Variants in SLMAP observed in about 807,000 individuals in gnomAD.
SLMAP encodes sarcolemmal membrane-associated protein.
In SLMAP, 44 loss-of-function variants were observed where a neutral mutation model predicts 128.8. That is an observed-to-expected ratio of 0.34 (90% CI 0.27 to 0.44). The LOEUF (loss-of-function observed/expected upper bound fraction) is 0.44. Among genes scored for constraint, SLMAP ranks in the 20% least tolerant of loss-of-function variants. SLMAP has a pLI of 1.00. For synonymous variants in SLMAP, 327 were observed against 348.8 expected (o/e 0.94, Z 0.70); for missense variants, 787 against 985.3 (o/e 0.80, Z 2.69).
chr3:57,809,347 A>G (rs994602760), intron 2 of SLMAP, among the ~76,000 whole-genome samples: 2 of 152,212 alleles, frequency 1.3e-5, no homozygotes, highest in Non-Finnish European at 2.9e-5. Flanking sequence ...GCAAAGTCAG[A>G]GTGGAGCCTA....
At chr3:57,798,741 C>G (rs1372336683) in intron 2 of SLMAP, among the ~76,000 whole-genome samples, 1 of 152,156 alleles carries the variant, frequency 6.6e-6, no homozygotes, top group Non-Finnish European at 1.5e-5. Flanking sequence ...AAATCACTTT[C>G]AGAGTCAGCA....
rs143117864 is a variant in SLMAP, at chr3:57,838,335, A to G, written c.347-2964A>G. ...CCATCTCTTCTGTCTTTTGCCTGGG[A>G]AAGGAGAAAGCTAGGTGGTTCCTAC... On this transcript the variant is annotated intron_variant, in intron 3 of 24. Coordinates refer to ENST00000671191, the MANE Select transcript of SLMAP (RefSeq NM_001377540.1). Among the ~76,000 whole-genome samples the G allele has an allele frequency of 2.1e-3, 319 of 152,258 alleles. 1 individual carries two copies. The highest frequency in any genetic ancestry group is 7.0e-3 in the African/African-American group (292 of 41,540).
intron 2 of SLMAP, among the ~76,000 whole-genome samples, chr3:57,808,868 CTAT>C (rs1393300529): frequency 2.0e-5 from 3 of 152,160 alleles, no homozygotes; most frequent in East Asian, 1.9e-4. Context: ...AAGTCTCCCA[CTAT>C]TATTATGTAG....
chr3:57,846,616 G>C (rs2094266518), intron 4 of SLMAP, among the ~76,000 whole-genome samples: 2 of 150,284 alleles, frequency 1.3e-5, no homozygotes, highest in African/African-American at 4.9e-5. Context: ...GAGTGCAGTG[G>C]CGCAATCTTG....
chr3:57,854,459 A>G (rs1467068968), intron 6 of SLMAP, among the ~76,000 whole-genome samples: 1 of 152,008 alleles, frequency 6.6e-6, no homozygotes, highest in Admixed American at 6.6e-5. Context: ...TTAGCTGGGC[A>G]TGGTGGTGTG....
At chr3:57,757,924 A>G in intron 2 of SLMAP, 75 bp downstream of exon 2, 1 of 1,281,726 alleles carries the variant, frequency 7.8e-7, no homozygotes, top group Non-Finnish European at 1.1e-6. Context: ...GAGAGGACTA[A>G]TGTATGCAGG....
chr3:57,884,426 T>C (rs2095827919), intron 14 of SLMAP, among the ~76,000 whole-genome samples: 1 of 152,168 alleles, frequency 6.6e-6, no homozygotes, highest in African/African-American at 2.4e-5. Context: ...TGAATCAGAA[T>C]GCTCGTCAAC....
chr3:57,762,710 G>GTTTTTTTT (rs752054975), intron 2 of SLMAP, among the ~76,000 whole-genome samples: 7 of 107,756 alleles, frequency 6.5e-5, no homozygotes, highest in African/African-American at 1.1e-4. Flanking sequence ...TAGTAGAATG[G>GTTTTTTTT]TTTTTTTTTT....
chr3:57,893,738 G>A (rs1419489433), intron 15 of SLMAP, among the ~76,000 whole-genome samples: 9 of 152,154 alleles, frequency 5.9e-5, no homozygotes, highest in African/African-American at 9.7e-5. Flanking sequence ...GAGATTAGAT[G>A]TATTAGCCTC....
intron 2 of SLMAP, among the ~76,000 whole-genome samples, chr3:57,819,408 G>A (rs895756231): frequency 6.6e-6 from 1 of 152,110 alleles, no homozygotes; most frequent in African/African-American, 2.4e-5. Context: ...TTTTGGGCAG[G>A]TGTACTATTT....
chr3:57,780,555 G>A (rs955496169), intron 2 of SLMAP, among the ~76,000 whole-genome samples: 1 of 152,084 alleles, frequency 6.6e-6, no homozygotes, highest in African/African-American at 2.4e-5. Context: ...CTTGATCTGG[G>A]TGGTAGTTAC....
chr3:57,779,933 C>T (rs971195157), intron 2 of SLMAP, among the ~76,000 whole-genome samples: 22 of 151,638 alleles, frequency 1.5e-4, no homozygotes, highest in South Asian at 4.2e-4. Flanking sequence ...TTGGGTACAC[C>T]GACTTTTTTT....
At chr3:57,819,697 T>C (rs1398429631) in intron 2 of SLMAP, among the ~76,000 whole-genome samples, 2 of 152,222 alleles carry the variant, frequency 1.3e-5, no homozygotes, top group Non-Finnish European at 2.9e-5. Flanking sequence ...ACAAATGTGA[T>C]CACGGGTACT....
intron 17 of SLMAP, chr3:57,897,936 A>G (rs2096278687): frequency 6.6e-6 from 1 of 152,232 alleles, no homozygotes; most frequent in Non-Finnish European, 1.5e-5. Context: ...ATTGTACACA[A>G]GAAAAATTGA....
At chr3:57,925,440 G>C (rs2096990583) in intron 23 of SLMAP, among the ~76,000 whole-genome samples, 1 of 150,166 alleles carries the variant, frequency 6.7e-6, no homozygotes, top group East Asian at 2.0e-4. Flanking sequence ...CAATTCTCCT[G>C]CCTTAACCTC....
chr3:57,896,648 T>C (rs1023938609), intron 16 of SLMAP, 57 bp downstream of exon 16: 2 of 1,380,338 alleles, frequency 1.4e-6, no homozygotes, highest in South Asian at 1.3e-5. Flanking sequence ...TTTAGTTATA[T>C]AGGTCAATGT....
At chr3:57,872,919 A>T (rs2095516226) in intron 14 of SLMAP, among the ~76,000 whole-genome samples, 1 of 152,104 alleles carries the variant, frequency 6.6e-6, no homozygotes, top group Non-Finnish European at 1.5e-5. Context: ...TTTTATGCTC[A>T]TAATTTCATT....
At chr3:57,913,026 T>C (rs1008681894) in intron 20 of SLMAP, 132 bp from the exon 21 acceptor site, 32 of 539,432 alleles carry the variant, frequency 5.9e-5, no homozygotes, top group Middle Eastern at 9.7e-4. Context: ...ATCATATAAT[T>C]AACCATGTAA....
chr3:57,825,804 A>G (rs572323743), intron 2 of SLMAP, among the ~76,000 whole-genome samples: 1 of 152,272 alleles, frequency 6.6e-6, no homozygotes, highest in East Asian at 1.9e-4. Context: ...GATGTCTCCA[A>G]GACTTATTTT....
Sources: gnomAD v4.1 joint callset for allele counts (sites outside exome capture counted in the v4.1 genomes callset) on GRCh38, gnomAD v4.1.1 for gene constraint, MANE v1.5 for transcripts, NCBI Gene and HGNC (gene_info 2026-07-23, HGNC 2026-07-21) for gene names.